The following COL6A6 variants were observed in gnomAD, a reference collection of about 807,000 sequenced individuals.
The protein encoded by COL6A6 is collagen alpha-6(VI) chain.
In COL6A6, 183 loss-of-function variants were observed where a neutral mutation model predicts 208.6. The observed-to-expected ratio is 0.88, with a 90% CI of 0.78 to 0.99. COL6A6 has a LOEUF of 0.99. COL6A6 is among the 50% of genes least tolerant of loss of function. The pLI, the probability that COL6A6 is intolerant of heterozygous loss-of-function variation, is 0.00. For missense variants in COL6A6, 2,816 were observed against 2,815.2 expected (o/e 1.00, Z -0.01); for synonymous variants, 973 against 1,011.8 (o/e 0.96, Z 0.73).
rs537056682 is a variant in COL6A6 at position 130,519,509 on chromosome 3, T to C, written c.-32+2112T>C. ...CTTCTAAAAGATTCATGAACATGAC[T>C]TTTCCAGGATGATTGTTGGCCAAAA... On this transcript the variant is annotated intron_variant, in intron 1 of 36. Transcript: ENST00000358511. 4.6e-5 allele frequency among the ~76,000 whole-genome samples: 7 copies of C among 151,880 alleles called. No individual in the cohort carries two copies. In the South Asian group the frequency reaches 1.5e-3, roughly 32 times the overall value.
At chr3:130,622,525 A>G (rs2064757451) in intron 24 of COL6A6, among the ~76,000 whole-genome samples, 1 of 152,184 alleles carries the variant, frequency 6.6e-6, no homozygotes. Context: ...TGGCATTATT[A>G]GAAGTATTTC....
In COL6A6 at chr3:130,602,470, A is replaced by G. The variant is rs74436947; in HGVS notation, c.4653+2660A>G. 7.4e-3 allele frequency among the ~76,000 whole-genome samples: 1,129 copies of G among 152,362 alleles called. 15 individuals carry two copies. The highest frequency in any genetic ancestry group is 0.025 in the African/African-American group (1,055 of 41,586). ...GGCAAAGGGCAGATAAAGCCTCATT[A>G]GAAGAGGAATTATTCAAGGAAAAAT... On this transcript the variant is annotated intron_variant, in intron 20 of 36. Transcript: ENST00000358511.
At chr3:130,625,172 A>G (rs1415244032) in intron 24 of COL6A6, among the ~76,000 whole-genome samples, 1 of 152,146 alleles carries the variant, frequency 6.6e-6, no homozygotes, top group Non-Finnish European at 1.5e-5. Context: ...CACTTTGAGA[A>G]CCGCTGTCCT....
chr3:130,519,097 G>C (rs189561020), intron 1 of COL6A6, among the ~76,000 whole-genome samples: 4 of 152,068 alleles, frequency 2.6e-5, no homozygotes. Context: ...CTGAATTTCA[G>C]AAAGTTTCAG....
At chr3:130,663,875 A>C (rs1407891077) in intron 35 of COL6A6, among the ~76,000 whole-genome samples, 2 of 152,244 alleles carry the variant, frequency 1.3e-5, no homozygotes, top group Non-Finnish European at 2.9e-5. Flanking sequence ...TTCAATCTTT[A>C]AAATGTAACT....
chr3:130,638,399 A>G (rs1325676890), intron 28 of COL6A6, among the ~76,000 whole-genome samples: 1 of 152,202 alleles, frequency 6.6e-6, no homozygotes, highest in Non-Finnish European at 1.5e-5. Flanking sequence ...TGTTCTCTCC[A>G]ACTTAATCCC....
At chr3:130,660,981 T>G (rs2065917352) in intron 34 of COL6A6, among the ~76,000 whole-genome samples, 1 of 152,218 alleles carries the variant, frequency 6.6e-6, no homozygotes, top group African/African-American at 2.4e-5. Context: ...TAAAATCCCG[T>G]TTTTATTACT....
At chr3:130,670,718 G>A (rs949989100) in intron 36 of COL6A6, among the ~76,000 whole-genome samples, 3 of 152,172 alleles carry the variant, frequency 2.0e-5, no homozygotes, top group South Asian at 2.1e-4. Context: ...CACCTACATC[G>A]AGGCACCCAG....
In COL6A6 at chr3:130,626,349, G is replaced by A; in HGVS notation, c.4879-136G>A. 8.9e-6 allele frequency: 6 copies of A among 676,948 alleles called. No individual in the cohort carries two copies. In the East Asian group the frequency reaches 1.3e-4, roughly 15 times the overall value. The allele number at this position is 676,948 out of a possible 1,614,324, so 41.9% of individuals were successfully genotyped here. ...GAGGACACCTCCCTGGCCAACAACA[G>A]CAGTTCCTCTTGTATCACTTGCACG... is the stretch of plus-strand genomic sequence containing the variant. On this transcript the variant is annotated intron_variant, in intron 24 of 36. Coordinates refer to ENST00000358511, the MANE Select transcript of COL6A6 (RefSeq NM_001102608.3).
chr3:130,574,341 C>A lies in COL6A6; in HGVS notation c.3363C>A (p.Ala1121=), dbSNP rs769958054. 1 of 1,613,960 alleles carries A rather than the reference C, an allele frequency of 6.2e-7. No homozygotes were observed. The highest frequency in any genetic ancestry group is 1.7e-5 in the Admixed American group (1 of 60,012). Residue 1121 remains alanine, a synonymous_variant, in exon 8 of 37, where the codon GCC becomes GCA. Transcript: ENST00000358511. ...AGTCCCAAGACGAGGTGGCCCAGGC[C>A]GCGGAAGCCCTGAGACACAGAGGTA... ...DGQSQDEVAQ[A]AEALRHRGID...
At chr3:130,573,907 G>A in intron 7 of COL6A6, 49 bp from the exon 8 acceptor site, 1 of 1,337,130 alleles carries the variant, frequency 7.5e-7, no homozygotes, top group Non-Finnish European at 1.1e-6. Context: ...GGTGGATTAA[G>A]GAAAGAATAA....
intron 1 of COL6A6, among the ~76,000 whole-genome samples, chr3:130,538,004 TACAC>T (rs980535772): frequency 1.3e-5 from 2 of 152,204 alleles, no homozygotes; most frequent in African/African-American, 4.8e-5. Context: ...GAAAGATAAT[TACAC>T]ACAGATTATC....
chr3:130,537,107 G>A (rs1398822338), intron 1 of COL6A6, among the ~76,000 whole-genome samples: 1 of 152,182 alleles, frequency 6.6e-6, no homozygotes, highest in Non-Finnish European at 1.5e-5. Flanking sequence ...ATTCAACTGT[G>A]CATTATTTAA....
chr3:130,575,198 C>A lies in COL6A6; in HGVS notation c.3547+673C>A, dbSNP rs529297474. On this transcript the variant is annotated intron_variant, in intron 8 of 36. Transcript: ENST00000358511. ...AAGAGGCAGCTCTGAAGACAGACAG[C>A]CTGACAGCAGATCCCTGCTCTATGG... Among the ~76,000 whole-genome samples the A allele has an allele frequency of 5.3e-5, 8 of 152,276 alleles. No individual in the cohort carries two copies. The South Asian group carries it at 1.7e-3, about 32-fold the overall frequency.
Position 130,589,222 on chromosome 3 carries a change from G to T in COL6A6, c.4218+40G>T, listed in dbSNP as rs750638217. The stretch of plus-strand genomic sequence containing the variant: ...GATTTATGGGTTACTTTGAGTTGTA[G>T]TATGTCCTTCAGACATGGGTTTAAG... On this transcript the variant is annotated intron_variant, in intron 12 of 36. Coordinates refer to ENST00000358511, the MANE Select transcript of COL6A6 (RefSeq NM_001102608.3). The T allele has an allele frequency of 2.8e-6, 4 of 1,435,608 alleles. No homozygotes were observed. In the Admixed American group the frequency reaches 6.7e-5, roughly 24 times the overall value. The allele number at this position is 1,435,608 out of a possible 1,614,324, so 88.9% of individuals were successfully genotyped here.
intron 27 of COL6A6, among the ~76,000 whole-genome samples, chr3:130,635,434 C>T (rs956411009): frequency 6.6e-6 from 1 of 152,114 alleles, no homozygotes; most frequent in African/African-American, 2.4e-5. Flanking sequence ...ATGATAGAGT[C>T]AGAGGATAAA....
At chr3:130,561,899 G>A (rs1396241949) in intron 2 of COL6A6, among the ~76,000 whole-genome samples, 3 of 151,814 alleles carry the variant, frequency 2.0e-5, no homozygotes, top group East Asian at 1.9e-4. Flanking sequence ...TGATCCACCC[G>A]CCTCGGCCTC....
At chr3:130,640,431 G>A (rs1034825680) in intron 28 of COL6A6, among the ~76,000 whole-genome samples, 2 of 152,094 alleles carry the variant, frequency 1.3e-5, no homozygotes, top group African/African-American at 4.8e-5. Flanking sequence ...GTAAATATAT[G>A]TACTCAATCT....
At chr3:130,595,558 A>G (rs753638526) in intron 18 of COL6A6, among the ~76,000 whole-genome samples, 9 of 152,230 alleles carry the variant, frequency 5.9e-5, no homozygotes, top group Non-Finnish European at 1.2e-4. Context: ...AAATGGAACC[A>G]TATAAGTGTC....
Sources: allele counts gnomAD v4.1 joint callset (sites outside exome capture counted in the v4.1 genomes callset), GRCh38; gene constraint gnomAD v4.1.1; transcripts MANE v1.5; gene names NCBI Gene and HGNC (gene_info 2026-07-23, HGNC 2026-07-21).